The following VAV2 variants were observed in gnomAD, a reference collection of about 807,000 sequenced individuals.
VAV2 encodes vav guanine nucleotide exchange factor 2.
In VAV2, 67 loss-of-function variants were observed where a neutral mutation model predicts 132.5. The observed-to-expected ratio is 0.51, with a 90% CI of 0.42 to 0.62. The LOEUF (loss-of-function observed/expected upper bound fraction) is 0.62, where lower values mean the gene tolerates loss of function less well. Ranked by LOEUF, VAV2 falls within the 20% of genes least tolerant of loss-of-function variation. The probability of loss-of-function intolerance (pLI) is 0.00; values close to 1 mark genes in which losing one functional copy is unlikely to be tolerated. For synonymous variants in VAV2, 492 were observed against 443.5 expected (o/e 1.11, Z -1.37); for missense variants, 938 against 1,153.6 (o/e 0.81, Z 2.71).
intron 1 of VAV2, among the ~76,000 whole-genome samples, chr9:133,964,209 T>C (rs963843640): frequency 1.3e-5 from 2 of 150,478 alleles, no homozygotes; most frequent in Non-Finnish European, 3.0e-5. Context: ...CATACAAAAA[T>C]TGGCCAGGCG....
At chr9:133,957,004 C>A (rs966090591) in intron 1 of VAV2, among the ~76,000 whole-genome samples, 2 of 152,214 alleles carry the variant, frequency 1.3e-5, no homozygotes, top group South Asian at 4.1e-4. Context: ...ACCCACCCAC[C>A]TGCCCAGCTC....
intron 1 of VAV2, among the ~76,000 whole-genome samples, chr9:133,967,491 T>C (rs774423817): frequency 2.2e-4 from 34 of 152,212 alleles, no homozygotes; most frequent in Admixed American, 5.2e-4. Context: ...AACCTAAATA[T>C]CAGTGAATGA....
intron 2 of VAV2, among the ~76,000 whole-genome samples, chr9:133,862,249 C>T (rs1837625593): frequency 6.6e-6 from 1 of 152,240 alleles, no homozygotes; most frequent in Non-Finnish European, 1.5e-5. Context: ...TCCAAAGGGA[C>T]AGGTGGCTAG....
At chr9:133,900,032 AT>A (rs200360525) in intron 2 of VAV2, among the ~76,000 whole-genome samples, 5,171 of 148,870 alleles carry the variant, frequency 0.035, 342 homozygotes, top group South Asian at 0.063. Flanking sequence ...AAAAAAATAA[AT>A]AAATAAATAA....
chr9:133,898,336 C>T (rs542273353), intron 2 of VAV2, among the ~76,000 whole-genome samples: 3 of 152,204 alleles, frequency 2.0e-5, no homozygotes, highest in Non-Finnish European at 4.4e-5. Flanking sequence ...CACCTGTAAT[C>T]CCAGCACTTT....
At chr9:133,816,976 G>T (rs974346735) in intron 4 of VAV2, among the ~76,000 whole-genome samples, 2 of 152,130 alleles carry the variant, frequency 1.3e-5, no homozygotes, top group African/African-American at 4.8e-5. Context: ...AAGGTCCTCT[G>T]CATCTCCATG....
At chr9:133,856,003 C>A (rs1034644208) in intron 3 of VAV2, among the ~76,000 whole-genome samples, 1 of 152,228 alleles carries the variant, frequency 6.6e-6, no homozygotes, top group Non-Finnish European at 1.5e-5. Context: ...TGACCGGCTA[C>A]GGCTGGGTGA....
At chr9:133,878,615 C>T (rs1009677659) in intron 2 of VAV2, among the ~76,000 whole-genome samples, 1 of 152,238 alleles carries the variant, frequency 6.6e-6, no homozygotes, top group African/African-American at 2.4e-5. Flanking sequence ...CTGTGCATGT[C>T]TGTCACAGGA....
intron 19 of VAV2, among the ~76,000 whole-genome samples, chr9:133,781,981 C>CT (rs890486198): frequency 1.5e-4 from 23 of 152,010 alleles, no homozygotes; most frequent in Non-Finnish European, 2.9e-4. Context: ...CAGGACAGTG[C>CT]TTGGGGCCTC....
At chr9:133,776,117 G>C in intron 23 of VAV2, 37 bp from the exon 24 acceptor site, 1 of 1,608,990 alleles carries the variant, frequency 6.2e-7, no homozygotes, top group Admixed American at 1.7e-5. Context: ...CGGCCCCCCA[G>C]GGCCACTCAC....
chr9:133,797,834 C>G, intron 9 of VAV2, 25 bp from the exon 10 acceptor site: 1 of 1,608,072 alleles, frequency 6.2e-7, no homozygotes. Context: ...CACACGCACA[C>G]ACGCACACAG....
intron 3 of VAV2, among the ~76,000 whole-genome samples, chr9:133,855,362 T>C (rs1260403071): frequency 5.3e-5 from 8 of 152,170 alleles, no homozygotes; most frequent in Admixed American, 5.2e-4. Flanking sequence ...TGTAGGTGAT[T>C]TGGGAAGGCA....
intron 1 of VAV2, among the ~76,000 whole-genome samples, chr9:133,967,933 CAAAAAAAAAAAA>C (rs34152925): frequency 1.4e-5 from 1 of 71,362 alleles, no homozygotes; most frequent in African/African-American, 5.8e-5. Context: ...ACTCTATAAC[CAAAAAAAAAAAA>C]AAAAAAAAAA....
chr9:133,906,463 T>A (rs986414998), intron 2 of VAV2, among the ~76,000 whole-genome samples: 6 of 152,140 alleles, frequency 3.9e-5, no homozygotes, highest in Non-Finnish European at 8.8e-5. Context: ...CAGCTCAGAC[T>A]GCACCAAGCA....
chr9:133,984,164 G>A (rs1842783419), intron 1 of VAV2, among the ~76,000 whole-genome samples: 1 of 152,064 alleles, frequency 6.6e-6, no homozygotes, highest in Non-Finnish European at 1.5e-5. Context: ...GCAGATACGG[G>A]GGTTTCACCA....
At chr9:133,923,868 A>T (rs946162775) in intron 2 of VAV2, among the ~76,000 whole-genome samples, 27 of 152,190 alleles carry the variant, frequency 1.8e-4, no homozygotes, top group African/African-American at 5.5e-4. Context: ...GGAAACCATC[A>T]TTCTCAGCAA....
intron 1 of VAV2, among the ~76,000 whole-genome samples, chr9:133,979,595 G>A (rs1842629686): frequency 6.6e-6 from 1 of 152,182 alleles, no homozygotes; most frequent in Non-Finnish European, 1.5e-5. Flanking sequence ...AGAGCCCGGA[G>A]CCACGGCCGC....
At chr9:133,781,646 A>G (rs1834010804) in intron 19 of VAV2, among the ~76,000 whole-genome samples, 1 of 152,230 alleles carries the variant, frequency 6.6e-6, no homozygotes, top group Non-Finnish European at 1.5e-5. Context: ...TGAAGGCTAC[A>G]ATGGTCAAAG....
rs147856664 is a variant in VAV2, at chr9:133,765,313, A to G, written c.2590-1204T>C. ...GTCAACAGTAACTTCACAGTAGAAC[A>G]TAGCAAATATAATCTTAAACACATG... On this transcript the variant is annotated intron_variant, in intron 29 of 29. Coordinates refer to ENST00000371850, the MANE Select transcript of VAV2 (RefSeq NM_001134398.2). Among the ~76,000 whole-genome samples the G allele has an allele frequency of 5.0e-3, 760 of 152,360 alleles. 6 individuals carry two copies. Among genetic ancestry groups the G allele is most frequent in the African/African-American group, 8.5e-3 (354 of 41,584 alleles).
Sources: gnomAD v4.1 joint callset for allele counts (sites outside exome capture counted in the v4.1 genomes callset) on GRCh38, gnomAD v4.1.1 for gene constraint, MANE v1.5 for transcripts, NCBI Gene and HGNC (gene_info 2026-07-23, HGNC 2026-07-21) for gene names.